The following ARID1B variants were observed in gnomAD, a reference collection of about 807,000 sequenced individuals.
The protein encoded by ARID1B is AT-rich interaction domain 1B.
A neutral mutation model predicts 212.3 loss-of-function variants in ARID1B; 30 were observed. The ratio of observed to expected loss-of-function variants is 0.14; its 90% CI spans 0.11 to 0.19. The LOEUF (loss-of-function observed/expected upper bound fraction) is 0.19. ARID1B is among the 10% of genes least tolerant of loss of function. ARID1B has a pLI of 1.00. For missense variants in ARID1B, 2,891 were observed against 3,204.0 expected, an observed-to-expected ratio of 0.90 and a Z score of 2.36; for synonymous variants, 1,402 against 1,301.7, an observed-to-expected ratio of 1.08 and a Z score of -1.66.
intron 7 of ARID1B, among the ~76,000 whole-genome samples, chr6:157,147,104 AAGT>A (rs1424193999): frequency 6.6e-6 from 1 of 152,064 alleles, no homozygotes; most frequent in Non-Finnish European, 1.5e-5. Flanking sequence ...GTTATGATTG[AAGT>A]AGTATCATGT....
chr6:157,083,785 A>G (rs1179864323), intron 4 of ARID1B, among the ~76,000 whole-genome samples: 1 of 152,244 alleles, frequency 6.6e-6, no homozygotes, highest in South Asian at 2.1e-4. Context: ...ATTTATTTTC[A>G]CAATATCATA....
chr6:156,814,954 A>G (rs1272968667), intron 1 of ARID1B, among the ~76,000 whole-genome samples: 1 of 152,210 alleles, frequency 6.6e-6, no homozygotes, highest in Non-Finnish European at 1.5e-5. Flanking sequence ...AATTATCAAT[A>G]GACTATTAAA....
At chr6:156,829,598 G>A in intron 2 of ARID1B, 177 bp downstream of exon 2, 1 of 723,344 alleles carries the variant, frequency 1.4e-6, no homozygotes, top group Non-Finnish European at 2.1e-6. Context: ...AAGATGGAAA[G>A]GTGAGCTTCT....
At chr6:156,789,766 T>C (rs1779891349) in intron 1 of ARID1B, among the ~76,000 whole-genome samples, 1 of 152,214 alleles carries the variant, frequency 6.6e-6, no homozygotes, top group South Asian at 2.1e-4. Flanking sequence ...CTGTGTGACC[T>C]CAGGCAAGTC....
intron 2 of ARID1B, among the ~76,000 whole-genome samples, chr6:156,832,361 A>G (rs1353073565): frequency 1.3e-5 from 2 of 152,300 alleles, no homozygotes; most frequent in African/African-American, 4.8e-5. Context: ...GCATTGTTGT[A>G]GTTGTGGCTA....
intron 5 of ARID1B, among the ~76,000 whole-genome samples, chr6:157,107,347 G>A (rs1786566860): frequency 6.6e-6 from 1 of 152,052 alleles, no homozygotes; most frequent in African/African-American, 2.4e-5. Context: ...TTCTCTTCTC[G>A]GTAATTGTAT....
intron 4 of ARID1B, among the ~76,000 whole-genome samples, chr6:157,064,333 A>T (rs1783539589): frequency 6.6e-6 from 1 of 152,178 alleles, no homozygotes; most frequent in Admixed American, 6.5e-5. Flanking sequence ...CTTGTTTTTC[A>T]TGAGACTCTA....
chr6:157,022,070 A>G (rs1452933694), intron 4 of ARID1B, among the ~76,000 whole-genome samples: 4 of 152,186 alleles, frequency 2.6e-5, no homozygotes, highest in Non-Finnish European at 4.4e-5. Context: ...CTGACGGTGG[A>G]AAAGCCAGGA....
At chr6:156,919,953 C>G (rs563616959) in intron 3 of ARID1B, among the ~76,000 whole-genome samples, 6 of 152,350 alleles carry the variant, frequency 3.9e-5, no homozygotes, top group African/African-American at 1.4e-4. Flanking sequence ...CCTAACACTG[C>G]TATAACTAAC....
At chr6:157,161,901 C>G (rs1462330421) in intron 8 of ARID1B, among the ~76,000 whole-genome samples, 1 of 152,184 alleles carries the variant, frequency 6.6e-6, no homozygotes, top group East Asian at 1.9e-4. Context: ...ACACCTGGCA[C>G]TCGCACTCAT....
At chr6:156,885,821 G>A (rs1192906414) in intron 2 of ARID1B, among the ~76,000 whole-genome samples, 1 of 152,130 alleles carries the variant, frequency 6.6e-6, no homozygotes, top group African/African-American at 2.4e-5. Context: ...TGTGCTAAAC[G>A]ACTCACAACG....
chr6:156,897,883 T>C (rs1323615837), intron 2 of ARID1B, among the ~76,000 whole-genome samples: 2 of 152,216 alleles, frequency 1.3e-5, no homozygotes, highest in African/African-American at 4.8e-5. Flanking sequence ...ATTTTTCATA[T>C]AATAATAGCT....
At chr6:156,913,726 T>C (rs1244364571) in intron 3 of ARID1B, among the ~76,000 whole-genome samples, 1 of 135,842 alleles carries the variant, frequency 7.4e-6, no homozygotes, top group Non-Finnish European at 1.6e-5. Context: ...CATCCTACTA[T>C]CCACTTCCCA....
intron 4 of ARID1B, among the ~76,000 whole-genome samples, chr6:157,008,366 T>C (rs1779366954): frequency 6.6e-6 from 1 of 152,228 alleles, no homozygotes; most frequent in African/African-American, 2.4e-5. Flanking sequence ...TTTGTCTCTC[T>C]GAATTTGACT....
At position 157,200,638 on chromosome 6, in the gene ARID1B, A is replaced by G. The variant is rs747855919; in HGVS notation, c.4480-67A>G. The G allele has an allele frequency of 6.2e-5, 94 of 1,505,160 alleles. No homozygotes were observed. Among genetic ancestry groups the G allele is most frequent in the Non-Finnish European group, 8.2e-5 (92 of 1,124,676 alleles). 93.2% of individuals were successfully genotyped at this position (1,505,160 alleles called of 1,614,324 possible). ...TTCTAGCAGGTAATAACTATTTTGC[A>G]TAATTTCAGTGTGTGATTATACCTG... On this transcript the variant is annotated intron_variant, in intron 17 of 19. Transcript: ENST00000636930. The surrounding 1 kb of genome is among the most constrained non-coding windows in gnomAD (Gnocchi z 4.3).
At position 156,896,576 on chromosome 6, in the gene ARID1B, C is replaced by CAAAAAAAAAAA. The variant is rs72490811; in HGVS notation, c.1987-4786_1987-4776dup. ...GGGCAACAAGAGCAAAACTGCGTCT[C>CAAAAAAAAAAA]AAAAAAAAAAAAAAAAAAAAAAAAG... On this transcript the variant is annotated intron_variant, in intron 2 of 19. Transcript: ENST00000636930. 1.8e-3 allele frequency among the ~76,000 whole-genome samples: 81 copies of CAAAAAAAAAAA among 45,910 alleles called. 4 individuals carry two copies. The highest frequency in any genetic ancestry group is 7.7e-3 in the African/African-American group (73 of 9,420). The allele number at this position is 45,910 out of a possible 152,430, so 30.1% of individuals were successfully genotyped here.
intron 1 of ARID1B, among the ~76,000 whole-genome samples, chr6:156,797,807 A>G (rs1015117326): frequency 1.3e-5 from 2 of 152,360 alleles, no homozygotes; most frequent in South Asian, 4.1e-4. Flanking sequence ...GGCCAATGAC[A>G]CTGCCCTGCG....
At chr6:157,046,528 C>G (rs765880371) in intron 4 of ARID1B, among the ~76,000 whole-genome samples, 5 of 152,170 alleles carry the variant, frequency 3.3e-5, no homozygotes, top group Non-Finnish European at 5.9e-5. Context: ...ATTTCCAGCT[C>G]TAAAATTCTT....
intron 2 of ARID1B, among the ~76,000 whole-genome samples, chr6:156,836,131 C>G (rs535822590): frequency 9.9e-5 from 15 of 152,278 alleles, no homozygotes; most frequent in African/African-American, 3.6e-4. Flanking sequence ...CTTCAGCGCT[C>G]CTTGGAAAAC....
Sources: gnomAD v4.1 joint callset for allele counts (sites outside exome capture counted in the v4.1 genomes callset) on GRCh38, gnomAD v4.1.1 for gene constraint, Gnocchi (gnomAD v3.1) non-coding constraint, MANE v1.5 for transcripts, NCBI Gene and HGNC (gene_info 2026-07-23, HGNC 2026-07-21) for gene names.